The following MSRB3 variants were observed in gnomAD, a reference collection of about 807,000 sequenced individuals.
MSRB3 encodes methionine sulfoxide reductase B3, also known as methionine-R-sulfoxide reductase B3.
A neutral mutation model predicts 21.0 loss-of-function variants in MSRB3; 13 were observed. That is an observed-to-expected ratio of 0.62 (90% CI 0.40 to 0.98). The LOEUF is 0.98. Among genes scored for constraint, MSRB3 ranks in the 50% least tolerant of loss-of-function variants. The pLI is 0.00. For missense variants in MSRB3, 199 were observed against 230.3 expected, an observed-to-expected ratio of 0.86 and a Z score of 0.88; for synonymous variants, 87 against 88.6, an observed-to-expected ratio of 0.98 and a Z score of 0.10.
chr12:65,404,522 A>G (rs543795694), intron 5 of MSRB3, among the ~76,000 whole-genome samples: 252 of 152,290 alleles, frequency 1.7e-3, no homozygotes, highest in Admixed American at 2.4e-3. Context: ...TCTTACCTAC[A>G]TTTATTCCTC....
chr12:65,361,910 A>G (rs187742528), intron 4 of MSRB3, among the ~76,000 whole-genome samples: 18 of 152,146 alleles, frequency 1.2e-4, no homozygotes, highest in African/African-American at 3.9e-4. Context: ...TATTTTTTTC[A>G]GTTTTTTAAA....
intron 5 of MSRB3, among the ~76,000 whole-genome samples, chr12:65,407,774 G>A (rs1234274911): frequency 6.6e-6 from 1 of 152,030 alleles, no homozygotes; most frequent in African/African-American, 2.4e-5. Context: ...TTGTTTTGGA[G>A]GTTTCTATTG....
chr12:65,311,524 G>T (rs1467125164), intron 2 of MSRB3, among the ~76,000 whole-genome samples: 1 of 151,994 alleles, frequency 6.6e-6, no homozygotes, highest in African/African-American at 2.4e-5. Context: ...AACTTCAACA[G>T]TAATGAAACA....
intron 1 of MSRB3, among the ~76,000 whole-genome samples, chr12:65,282,712 G>A (rs1013809551): frequency 7.1e-6 from 1 of 140,976 alleles, no homozygotes. Flanking sequence ...GGTTAGATGT[G>A]GCTGCTCAGC....
At chr12:65,337,397 G>C (rs1435138787) in intron 4 of MSRB3, among the ~76,000 whole-genome samples, 1 of 121,410 alleles carries the variant, frequency 8.2e-6, no homozygotes, top group African/African-American at 3.2e-5. Context: ...TCACACCACC[G>C]TACTCCAGCC....
At chr12:65,349,363 A>G (rs1216219773) in intron 4 of MSRB3, among the ~76,000 whole-genome samples, 3 of 151,942 alleles carry the variant, frequency 2.0e-5, no homozygotes, top group African/African-American at 7.3e-5. Flanking sequence ...ATGCCACAAT[A>G]AACATACGTG....
chr12:65,425,152 T>G (rs1881533489), intron 5 of MSRB3, among the ~76,000 whole-genome samples: 1 of 126,644 alleles, frequency 7.9e-6, no homozygotes, highest in South Asian at 2.7e-4. Flanking sequence ...TTTAATCCAT[T>G]TTATCTGATA....
chr12:65,299,638 G>C (rs375089496), intron 1 of MSRB3, among the ~76,000 whole-genome samples: 1 of 152,268 alleles, frequency 6.6e-6, no homozygotes, highest in East Asian at 1.9e-4. Context: ...ATTTCAGGGG[G>C]TTCTATTACT....
At chr12:65,320,798 A>C (rs992460979) in intron 2 of MSRB3, among the ~76,000 whole-genome samples, 1 of 152,184 alleles carries the variant, frequency 6.6e-6, no homozygotes, top group Non-Finnish European at 1.5e-5. Flanking sequence ...CGTAGTTGTA[A>C]ATTTCCTGGT....
At chr12:65,385,511 A>G (rs989287891) in intron 5 of MSRB3, among the ~76,000 whole-genome samples, 1 of 152,030 alleles carries the variant, frequency 6.6e-6, no homozygotes, top group African/African-American at 2.4e-5. Context: ...TAATTCCAGT[A>G]TGGGAAAAAG....
chr12:65,350,289 A>G (rs1397935984), intron 4 of MSRB3, among the ~76,000 whole-genome samples: 2 of 151,908 alleles, frequency 1.3e-5, no homozygotes, highest in African/African-American at 4.8e-5. Context: ...TGGTACCAGT[A>G]CCATGCTGTT....
chr12:65,395,424 C>T (rs12368809), intron 5 of MSRB3, among the ~76,000 whole-genome samples: 39,034 of 151,552 alleles, frequency 0.26, 6,254 homozygotes, highest in Middle Eastern at 0.45. Context: ...CAAAATTGCA[C>T]CACTGCACTG....
At chr12:65,418,343 G>A (rs1592618013) in intron 5 of MSRB3, among the ~76,000 whole-genome samples, 1 of 152,196 alleles carries the variant, frequency 6.6e-6, no homozygotes, top group African/African-American at 2.4e-5. Flanking sequence ...TTTAAATTGG[G>A]TTATTTGTTA....
chr12:65,316,694 G>T (rs1482415560), intron 2 of MSRB3, among the ~76,000 whole-genome samples: 1 of 152,050 alleles, frequency 6.6e-6, no homozygotes, highest in Non-Finnish European at 1.5e-5. Context: ...GCCACCTCAG[G>T]TTCAAATTTT....
chr12:65,450,567 C>A (rs1182104471), intron 5 of MSRB3, among the ~76,000 whole-genome samples: 1 of 152,066 alleles, frequency 6.6e-6, no homozygotes, highest in Non-Finnish European at 1.5e-5. Flanking sequence ...TTTCACATGA[C>A]TTTTCTTTTA....
At chr12:65,368,883 T>G (rs1327574966) in intron 4 of MSRB3, 115 bp from the exon 5 acceptor site, 1 of 685,692 alleles carries the variant, frequency 1.5e-6, no homozygotes, top group Non-Finnish European at 2.6e-6. Context: ...TTTAGAAATA[T>G]ACACTGAAAA....
chr12:65,288,788 A>AAACG (rs1872527802), intron 1 of MSRB3, among the ~76,000 whole-genome samples: 1 of 152,120 alleles, frequency 6.6e-6, no homozygotes. Flanking sequence ...TTAACTCTTA[A>AAACG]GGTTGGTTAA....
intron 5 of MSRB3, among the ~76,000 whole-genome samples, chr12:65,415,887 G>A (rs975001159): frequency 1.3e-5 from 2 of 152,130 alleles, no homozygotes; most frequent in Middle Eastern, 3.2e-3. Flanking sequence ...GGCTTATAGT[G>A]CCAAGTTGTG....
Position 65,278,951 on chromosome 12 carries a change from G to A in MSRB3, c.-52+86G>A. Reference sequence around the variant, plus strand: ...ACGTTAGGGTGTGACCCCGAGCCGGGATTCCATTCTGCGCCTGCTGCGCCC... The same window carrying A: ...ACGTTAGGGTGTGACCCCGAGCCGGAATTCCATTCTGCGCCTGCTGCGCCC... On this transcript the variant is annotated intron_variant, in intron 1 of 6. Coordinates refer to ENST00000308259, the MANE Select transcript of MSRB3 (RefSeq NM_001031679.3). The A allele has an allele frequency of 2.6e-6, 4 of 1,523,484 alleles. 1 individual carries two copies. In the South Asian group the frequency reaches 5.0e-5, roughly 19 times the overall value. 94.4% of individuals were successfully genotyped at this position (1,523,484 alleles called of 1,614,324 possible).
Sources: gnomAD v4.1 joint callset for allele counts (sites outside exome capture counted in the v4.1 genomes callset) on GRCh38, gnomAD v4.1.1 for gene constraint, MANE v1.5 for transcripts, NCBI Gene and HGNC (gene_info 2026-07-23, HGNC 2026-07-21) for gene names.